Variants in STK4 observed in about 807,000 individuals in gnomAD.
STK4 encodes the protein serine/threonine kinase 4, also known as serine/threonine-protein kinase 4.
A neutral mutation model predicts 64.9 loss-of-function variants in STK4; 30 were observed. The observed-to-expected ratio is 0.46, with a 90% CI of 0.35 to 0.63. STK4 has a LOEUF of 0.63. Ranked by LOEUF, STK4 falls within the 20% of genes least tolerant of loss-of-function variation. The pLI is 0.01. For missense variants in STK4, 466 were observed against 598.5 expected (o/e 0.78, Z 2.31); for synonymous variants, 177 against 199.0 (o/e 0.89, Z 0.93).
chr20:45,065,344 G>A (rs935559858), intron 10 of STK4, among the ~76,000 whole-genome samples: 1 of 152,072 alleles, frequency 6.6e-6, no homozygotes. Flanking sequence ...CGCTGGATTC[G>A]ATTTGCTAGT....
At chr20:44,983,954 C>G (rs1357188086) in intron 4 of STK4, among the ~76,000 whole-genome samples, 2 of 151,918 alleles carry the variant, frequency 1.3e-5, no homozygotes, top group African/African-American at 4.8e-5. Context: ...AATATCCTAA[C>G]ATAAGATATA....
At chr20:45,056,160 A>G (rs977041416) in intron 10 of STK4, among the ~76,000 whole-genome samples, 2 of 152,216 alleles carry the variant, frequency 1.3e-5, no homozygotes, top group Non-Finnish European at 2.9e-5. Context: ...TTTAATTTAT[A>G]TGCTATAGAA....
At chr20:45,032,414 C>G (rs28548466) in intron 10 of STK4, among the ~76,000 whole-genome samples, 18 of 152,236 alleles carry the variant, frequency 1.2e-4, no homozygotes, top group African/African-American at 4.1e-4. Context: ...TCGATCCTCA[C>G]CCTCCTCCCA....
chr20:45,029,647 A>C lies in STK4; in HGVS notation c.1305+4517A>C, dbSNP rs183582686. On this transcript the variant is annotated intron_variant, in intron 10 of 10. Coordinates refer to ENST00000372806, the MANE Select transcript of STK4 (RefSeq NM_006282.5). ...GTGGTCCCAGACCAGCAGTGTTAGC[A>C]TCACCTAGAGACTGTTAGAAAGGCA... Among the ~76,000 whole-genome samples the C allele has an allele frequency of 4.7e-3, 720 of 152,318 alleles. 20 individuals carry two copies. Among genetic ancestry groups the C allele is most frequent in the Admixed American group, 0.043 (664 of 15,294 alleles).
intron 10 of STK4, among the ~76,000 whole-genome samples, chr20:45,063,089 G>C (rs187730416): frequency 1.5e-5 from 2 of 132,538 alleles, no homozygotes; most frequent in South Asian, 2.5e-4. Flanking sequence ...CTGCAGCCTC[G>C]ACCTCCTGGG....
At chr20:45,004,417 T>G (rs2067897211) in intron 9 of STK4, 1 of 151,954 alleles carries the variant, frequency 6.6e-6, no homozygotes, top group Non-Finnish European at 1.5e-5. Flanking sequence ...TTTTCTTTGT[T>G]TTTCTCCACT....
intron 10 of STK4, among the ~76,000 whole-genome samples, chr20:45,069,161 CTTCCT>C (rs1259789919): frequency 2.6e-5 from 4 of 152,236 alleles, no homozygotes; most frequent in Non-Finnish European, 4.4e-5. Flanking sequence ...AGCCCGTCCT[CTTCCT>C]TTACCCAAGA....
chr20:45,021,416 A>G (rs2068245097), intron 9 of STK4, among the ~76,000 whole-genome samples: 1 of 152,224 alleles, frequency 6.6e-6, no homozygotes, highest in Non-Finnish European at 1.5e-5. Context: ...TTCTTCATAT[A>G]AACTTAACAT....
rs116657817 is a variant in STK4 at position 45,004,013 on chromosome 20, C to T, written c.1147+2660C>T. Among the ~76,000 whole-genome samples the T allele has an allele frequency of 9.5e-3, 1,438 of 151,906 alleles. 27 individuals are homozygous for T. Among genetic ancestry groups the T allele is most frequent in the African/African-American group, 0.033 (1,358 of 41,402 alleles). The stretch of plus-strand genomic sequence containing the variant: ...GAATTACAGGTTGAGTCACTGTTCC[C>T]GGCCTCTAAAAATGTCTTTAAAAAA... On this transcript the variant is annotated intron_variant, in intron 9 of 10. Transcript: ENST00000372806.
intron 4 of STK4, among the ~76,000 whole-genome samples, chr20:44,985,090 C>T (rs1300517349): frequency 2.0e-5 from 3 of 152,176 alleles, no homozygotes; most frequent in Non-Finnish European, 4.4e-5. Context: ...GCTTTGTTCT[C>T]TTCCACTATA....
At chr20:45,046,264 A>G (rs2068692949) in intron 10 of STK4, among the ~76,000 whole-genome samples, 1 of 141,092 alleles carries the variant, frequency 7.1e-6, no homozygotes, top group African/African-American at 2.7e-5. Context: ...CCCTGTATCT[A>G]CAAAAAAAAA....
intron 5 of STK4, among the ~76,000 whole-genome samples, chr20:44,988,215 AT>A (rs2067565261): frequency 6.6e-6 from 1 of 152,006 alleles, no homozygotes; most frequent in African/African-American, 2.4e-5. Flanking sequence ...CTGATGGTCT[AT>A]AAAATAATAT....
In STK4 at chr20:45,001,277, C is replaced by T. The variant is rs375700226; in HGVS notation, c.1071C>T (p.His357=). ...MTDGANTMIE[H]DDTLPSQLGT... ...ATGGAGCCAATACTATGATTGAGCACGATGACACGTTGCCATCACAACTGG... is the reference window on the plus strand; with the variant it reads ...ATGGAGCCAATACTATGATTGAGCATGATGACACGTTGCCATCACAACTGG... The change falls in exon 9 of 11, where the codon CAC becomes CAT. Residue 357 remains histidine (H), a synonymous_variant. Coordinates refer to ENST00000372806, the MANE Select transcript of STK4 (RefSeq NM_006282.5). 5.5e-5 allele frequency: 88 copies of T among 1,614,016 alleles called. No individual in the cohort carries two copies. The highest frequency in any genetic ancestry group is 2.7e-4 in the Admixed American group (16 of 60,014).
chr20:45,071,535 T>C (rs564660456), intron 10 of STK4, among the ~76,000 whole-genome samples: 1 of 152,228 alleles, frequency 6.6e-6, no homozygotes, highest in Admixed American at 6.5e-5. Context: ...CATAAATTAG[T>C]CTGAAGGTGG....
At chr20:45,054,706 C>G (rs1041897413) in intron 10 of STK4, among the ~76,000 whole-genome samples, 1 of 151,884 alleles carries the variant, frequency 6.6e-6, no homozygotes, top group African/African-American at 2.4e-5. Context: ...CTCAAATTCC[C>G]CATCTGTAGC....
intron 10 of STK4, among the ~76,000 whole-genome samples, chr20:45,071,430 A>T (rs879935762): frequency 6.6e-6 from 1 of 152,236 alleles, no homozygotes. Flanking sequence ...GGAAAAATCC[A>T]TATCTGGATG....
intron 9 of STK4, 33 bp downstream of exon 9, chr20:45,001,386 G>C: frequency 6.3e-7 from 1 of 1,585,640 alleles, no homozygotes; most frequent in Non-Finnish European, 8.6e-7. Flanking sequence ...TGACTTCTTA[G>C]ACCAAGCATA....
intron 5 of STK4, among the ~76,000 whole-genome samples, chr20:44,987,965 C>CG (rs2067559842): frequency 6.7e-6 from 1 of 149,846 alleles, no homozygotes; most frequent in African/African-American, 2.5e-5. Context: ...GTGTTATGTA[C>CG]GGTTTTTTTT....
chr20:45,025,059 G>A lies in STK4; in HGVS notation c.1234G>A (p.Gly412Ser). 1.2e-6 allele frequency: 2 copies of A among 1,613,256 alleles called. No individual in the cohort carries two copies. The highest frequency in any genetic ancestry group is 1.7e-6 in the Non-Finnish European group (2 of 1,179,574). Residue 412 changes from glycine (G) to serine (S), a missense_variant, in exon 10 of 11, where the codon GGC becomes AGC. Gly to Ser is a moderately conservative substitution (Grantham distance 56, BLOSUM62 0). This residue lies in a region of STK4 where 276 missense variants were observed against 308.9 expected (regional missense o/e 0.89). Coordinates refer to ENST00000372806, the MANE Select transcript of STK4 (RefSeq NM_006282.5). Reference sequence around the variant, plus strand: ...AAAGGAAAACCAGATCAACAGCTTTGGCAAGAGTGTACCTGGTCCACTGAA... The same window carrying A: ...AAAGGAAAACCAGATCAACAGCTTTAGCAAGAGTGTACCTGGTCCACTGAA... ...KEKENQINSF[G>S]KSVPGPLKNS...
Sources: allele counts gnomAD v4.1 joint callset (sites outside exome capture counted in the v4.1 genomes callset), GRCh38; gene constraint gnomAD v4.1.1; regional missense constraint gnomAD v4.1.1; transcripts MANE v1.5; gene names NCBI Gene and HGNC (gene_info 2026-07-23, HGNC 2026-07-21).